The following OPCML variants were observed in gnomAD, a reference collection of about 807,000 sequenced individuals.
OPCML encodes the protein opioid-binding protein/cell adhesion molecule.
Under a neutral mutation model 37.8 loss-of-function variants are expected in OPCML, and 13 were observed. That is an observed-to-expected ratio of 0.34 (90% confidence interval 0.22 to 0.55). The LOEUF is 0.55. Ranked by LOEUF, OPCML falls within the 20% of genes least tolerant of loss-of-function variation. The pLI, the probability that OPCML is intolerant of heterozygous loss-of-function variation, is 0.91. For synonymous variants in OPCML, 176 were observed against 168.8 expected (o/e 1.04, Z -0.33); for missense variants, 341 against 435.6 (o/e 0.78, Z 1.93).
At chr11:132,470,740 T>C (rs2096135624) in intron 4 of OPCML, among the ~76,000 whole-genome samples, 1 of 152,184 alleles carries the variant, frequency 6.6e-6, no homozygotes, top group South Asian at 2.1e-4. Context: ...GGTCATCCAG[T>C]TACCAAGTGA....
chr11:133,281,940 G>T (rs1238688001), intron 1 of OPCML, among the ~76,000 whole-genome samples: 1 of 151,948 alleles, frequency 6.6e-6, no homozygotes, highest in African/African-American at 2.4e-5. Flanking sequence ...TCTGGCAGAA[G>T]AAATTTCTAA....
intron 1 of OPCML, among the ~76,000 whole-genome samples, chr11:133,484,072 A>T (rs1205178087): frequency 1.7e-4 from 23 of 135,120 alleles, no homozygotes; most frequent in African/African-American, 7.4e-4. Context: ...ATAGATAGAT[A>T]GATAGATAGA....
intron 1 of OPCML, among the ~76,000 whole-genome samples, chr11:133,134,246 C>T (rs531432941): frequency 6.6e-6 from 1 of 152,266 alleles, no homozygotes; most frequent in African/African-American, 2.4e-5. Flanking sequence ...GCTCACATGA[C>T]CAGCACCACA....
Position 133,000,807 on chromosome 11 carries a change from TG to T in OPCML, c.62-57798del, listed in dbSNP as rs529035858. Among the ~76,000 whole-genome samples, 10 of 152,230 alleles carry T rather than the reference TG, an allele frequency of 6.6e-5. No individual in the cohort carries two copies. The East Asian group carries it at 1.9e-3, about 29-fold the overall frequency. On this transcript the variant is annotated intron_variant, in intron 1 of 7. Transcript: ENST00000524381. ...GAAAGGTAATCCCCAATGTTGGAGG[TG>T]GGGCCTGGTGGGAGGTGTCTGTCTC...
rs145781814 is a variant in OPCML, at chr11:132,745,751, G to A, written c.147-88432C>T. On this transcript the variant is annotated intron_variant, in intron 2 of 7. Transcript: ENST00000524381. Reference sequence around the variant, plus strand: ...GTGAGCGCAGTGTAATTAAGGAGGCGGGTGTCAGGCCAGGTGGAAGCAGTG... The same window carrying A: ...GTGAGCGCAGTGTAATTAAGGAGGCAGGTGTCAGGCCAGGTGGAAGCAGTG... Among the ~76,000 whole-genome samples the A allele has an allele frequency of 3.2e-3, 492 of 152,228 alleles. 5 individuals are homozygous for A. The highest frequency in any genetic ancestry group is 0.01 in the African/African-American group (417 of 41,530).
intron 1 of OPCML, among the ~76,000 whole-genome samples, chr11:133,399,656 A>G (rs185299176): frequency 9.1e-4 from 138 of 152,224 alleles, no homozygotes; most frequent in African/African-American, 3.2e-3. Context: ...AAGCAGCTGG[A>G]TACAAATGGC....
chr11:133,238,526 G>A (rs375649717), intron 1 of OPCML, among the ~76,000 whole-genome samples: 5 of 152,202 alleles, frequency 3.3e-5, no homozygotes, highest in South Asian at 2.1e-4. Context: ...TAGAATCACC[G>A]GTGTGGCTCA....
intron 1 of OPCML, among the ~76,000 whole-genome samples, chr11:133,497,940 G>T (rs1336815048): frequency 6.6e-6 from 1 of 152,226 alleles, no homozygotes; most frequent in African/African-American, 2.4e-5. Flanking sequence ...CACACTGCCT[G>T]TCAGTTTCAC....
At chr11:132,420,985 TTCTC>T (rs35522430) in intron 7 of OPCML, among the ~76,000 whole-genome samples, 16 of 149,938 alleles carry the variant, frequency 1.1e-4, no homozygotes, top group Admixed American at 3.3e-4. Flanking sequence ...TTTTTCTAGC[TTCTC>T]TCTCTCTCTC....
intron 1 of OPCML, among the ~76,000 whole-genome samples, chr11:133,116,458 T>G (rs543077057): frequency 1.3e-5 from 2 of 152,332 alleles, no homozygotes; most frequent in South Asian, 4.1e-4. Flanking sequence ...ATCTTTAGCT[T>G]CCTATAATCT....
chr11:132,844,249 T>C (rs565444160), intron 2 of OPCML, among the ~76,000 whole-genome samples: 1 of 152,304 alleles, frequency 6.6e-6, no homozygotes, highest in Admixed American at 6.5e-5. Context: ...ATCAGCAGCG[T>C]GAGAAAGACT....
At position 132,422,925 on chromosome 11, in the gene OPCML, C is replaced by G. The variant is rs114770367; in HGVS notation, c.917-2632G>C. Among the ~76,000 whole-genome samples the G allele has an allele frequency of 6.5e-3, 996 of 152,318 alleles. 10 individuals carry two copies. The highest frequency in any genetic ancestry group is 0.023 in the African/African-American group (958 of 41,562). On this transcript the variant is annotated intron_variant, in intron 7 of 7. Transcript: ENST00000524381. ...TCTGTATGAATGTGCTGCACCCTAG[C>G]TGAGTGACGTTCCCTCTCCGGGCTT...
chr11:132,557,593 G>A (rs759957002), intron 3 of OPCML, among the ~76,000 whole-genome samples: 17 of 152,084 alleles, frequency 1.1e-4, no homozygotes, highest in Non-Finnish European at 2.4e-4. Context: ...TCCAAAGTTC[G>A]CCTCTTCAAG....
chr11:133,200,071 G>A (rs1485797327), intron 1 of OPCML, among the ~76,000 whole-genome samples: 1 of 152,116 alleles, frequency 6.6e-6, no homozygotes, highest in Non-Finnish European at 1.5e-5. Context: ...TTGCTCAAAT[G>A]AGCACCATTT....
chr11:132,831,036 T>C (rs748619515), intron 2 of OPCML, among the ~76,000 whole-genome samples: 1 of 152,074 alleles, frequency 6.6e-6, no homozygotes, highest in African/African-American at 2.4e-5. Flanking sequence ...TTTTTTCTTA[T>C]AACTGAGCTA....
intron 1 of OPCML, among the ~76,000 whole-genome samples, chr11:133,531,690 G>A (rs994375859): frequency 6.6e-6 from 1 of 151,478 alleles, no homozygotes. Context: ...AGAGGGTAGG[G>A]GAGAGCAGTT....
intron 1 of OPCML, among the ~76,000 whole-genome samples, chr11:133,376,541 G>C (rs1320061945): frequency 1.3e-5 from 2 of 152,178 alleles, no homozygotes; most frequent in Non-Finnish European, 2.9e-5. Context: ...GTAGACATGT[G>C]TATTATACAT....
intron 2 of OPCML, among the ~76,000 whole-genome samples, chr11:132,685,732 G>A (rs1591724979): frequency 1.3e-5 from 2 of 152,124 alleles, no homozygotes; most frequent in South Asian, 4.1e-4. Context: ...GTAATTATCA[G>A]AAATAAACAC....
At chr11:133,263,015 C>T (rs1182742311) in intron 1 of OPCML, among the ~76,000 whole-genome samples, 1 of 151,622 alleles carries the variant, frequency 6.6e-6, no homozygotes, top group African/African-American at 2.4e-5. Context: ...TTATCCCAAA[C>T]CAATAATGCA....
Sources: gnomAD v4.1 joint callset for allele counts (sites outside exome capture counted in the v4.1 genomes callset) on GRCh38, gnomAD v4.1.1 for gene constraint, MANE v1.5 for transcripts, NCBI Gene and HGNC (gene_info 2026-07-23, HGNC 2026-07-21) for gene names.